Variants in MYO16 observed in about 807,000 individuals in gnomAD.
MYO16 encodes myosin XVI.
MYO16 carries 94 observed loss-of-function variants against 205.3 expected under a neutral mutation model. The ratio of observed to expected loss-of-function variants is 0.46; its 90% CI spans 0.39 to 0.54. MYO16 has a LOEUF of 0.54. Among genes scored for constraint, MYO16 ranks in the 20% least tolerant of loss-of-function variants. The pLI is 0.00. For synonymous variants in MYO16, 988 were observed against 954.0 expected, an observed-to-expected ratio of 1.04 and a Z score of -0.66; for missense variants, 2,315 against 2,387.5, an observed-to-expected ratio of 0.97 and a Z score of 0.63.
chr13:109,143,126 G>C (rs1445009041), intron 32 of MYO16, among the ~76,000 whole-genome samples: 1 of 152,050 alleles, frequency 6.6e-6, no homozygotes, highest in African/African-American at 2.4e-5. Context: ...TTGACCTACA[G>C]TGTAGTAACA....
At chr13:108,510,461 GTTTT>G in the MYO16 span, among the ~76,000 whole-genome samples, 73 of 45,918 alleles carry the variant, frequency 1.6e-3, 3 homozygotes, top group Middle Eastern at 0.023. Flanking sequence ...ATTGATAGCT[GTTTT>G]TTTTTTTTTT....
intron 27 of MYO16, among the ~76,000 whole-genome samples, chr13:109,098,219 C>A (rs371924617): frequency 6.6e-6 from 1 of 152,092 alleles, no homozygotes; most frequent in Non-Finnish European, 1.5e-5. Flanking sequence ...GCGGTTCAGG[C>A]GTGAATATTA....
intron 13 of MYO16, chr13:108,886,464 T>C: frequency 2.2e-6 from 1 of 454,758 alleles, no homozygotes; most frequent in South Asian, 1.6e-5. Flanking sequence ...CACGAGAGAG[T>C]AAGTGGAGTA....
chr13:108,848,173 T>C (rs1877623681), intron 10 of MYO16, among the ~76,000 whole-genome samples: 2 of 152,274 alleles, frequency 1.3e-5, no homozygotes, highest in South Asian at 2.1e-4. Flanking sequence ...ATCATTATTA[T>C]ATAGACTGAC....
intron 16 of MYO16, among the ~76,000 whole-genome samples, chr13:108,947,029 T>A (rs1221003307): frequency 6.6e-6 from 1 of 152,236 alleles, no homozygotes; most frequent in Non-Finnish European, 1.5e-5. Flanking sequence ...CACCATACTT[T>A]ATCAGCATTT....
rs1355801076 is a variant in MYO16, at chr13:108,767,934, C to T, written c.508-17701C>T. 3.9e-5 allele frequency among the ~76,000 whole-genome samples: 6 copies of T among 152,134 alleles called. 1 individual carries two copies. Among genetic ancestry groups the T allele is most frequent in the South Asian group, 2.1e-4 (1 of 4,832 alleles). ...TCATGTAGCAACAATTTGTTAGCTG[C>T]ATACTGTATTGCCAAGTAATGGGCT... On this transcript the variant is annotated intron_variant, in intron 4 of 34. Transcript: ENST00000457511.
intron 1 of MYO16, among the ~76,000 whole-genome samples, chr13:108,633,826 A>C (rs1880096770): frequency 6.6e-6 from 1 of 152,164 alleles, no homozygotes; most frequent in Non-Finnish European, 1.5e-5. Context: ...CTGTTCGCTC[A>C]TTCAAGAACT....
chr13:108,636,134 C>A (rs1880213892), intron 1 of MYO16, among the ~76,000 whole-genome samples: 1 of 151,892 alleles, frequency 6.6e-6, no homozygotes, highest in East Asian at 1.9e-4. Flanking sequence ...ATATTTGCAT[C>A]CATTTCTGGT....
In MYO16 at chr13:109,207,252, A is replaced by G. The variant is rs1004077106; in HGVS notation, c.*416A>G. On this transcript the variant is annotated 3_prime_UTR_variant, in exon 35 of 35. Transcript: ENST00000457511. ...CAATGGTTTTATTATAATACAGTAT[A>G]CGGGACATATATTTTATTTCTTTGT... is the stretch of plus-strand genomic sequence containing the variant. 6 of 156,634 alleles carry G rather than the reference A, an allele frequency of 3.8e-5. No homozygotes were observed. Among genetic ancestry groups the G allele is most frequent in the African/African-American group, 1.4e-4 (6 of 41,578 alleles). 9.7% of individuals were successfully genotyped at this position (156,634 alleles called of 1,614,324 possible).
intron 27 of MYO16, among the ~76,000 whole-genome samples, chr13:109,095,771 G>A (rs1370437839): frequency 6.6e-6 from 1 of 152,164 alleles, no homozygotes; most frequent in Non-Finnish European, 1.5e-5. Context: ...GTATTACTCT[G>A]GCTAAATGTT....
At chr13:108,609,811 A>G (rs1047475247) in intron 1 of MYO16, among the ~76,000 whole-genome samples, 2 of 152,144 alleles carry the variant, frequency 1.3e-5, no homozygotes, top group African/African-American at 4.8e-5. Context: ...AAGACTGTAG[A>G]TAGACATTCT....
At chr13:108,876,833 A>AT (rs1042350476) in intron 12 of MYO16, among the ~76,000 whole-genome samples, 1 of 151,896 alleles carries the variant, frequency 6.6e-6, no homozygotes, top group African/African-American at 2.4e-5. Flanking sequence ...CACCCACCTA[A>AT]TTTTTTATAG....
chr13:108,552,206 G>A, the MYO16 span, among the ~76,000 whole-genome samples: 34 of 152,268 alleles, frequency 2.2e-4, no homozygotes, highest in African/African-American at 7.9e-4. Context: ...TAGCCTCCTG[G>A]ACAGCCATGG....
intron 1 of MYO16, among the ~76,000 whole-genome samples, chr13:108,609,669 A>C (rs779682592): frequency 1.3e-5 from 2 of 152,216 alleles, no homozygotes; most frequent in Non-Finnish European, 2.9e-5. Context: ...CAATTTAAAA[A>C]ATTTTAAAAA....
At chr13:108,573,703 G>A in the MYO16 span, among the ~76,000 whole-genome samples, 1 of 152,216 alleles carries the variant, frequency 6.6e-6, no homozygotes, top group African/African-American at 2.4e-5. Context: ...CTCAGAGATA[G>A]TGTAGCAGCC....
the MYO16 span, among the ~76,000 whole-genome samples, chr13:108,517,525 G>T: frequency 2.6e-5 from 4 of 152,104 alleles, no homozygotes; most frequent in African/African-American, 9.7e-5. Flanking sequence ...AAAAATATGT[G>T]GGTATTAGTT....
At chr13:108,586,853 G>A in the MYO16 span, among the ~76,000 whole-genome samples, 2 of 152,180 alleles carry the variant, frequency 1.3e-5, no homozygotes, top group Admixed American at 6.5e-5. Context: ...TATACCCTGT[G>A]ATTGCATTAT....
intron 12 of MYO16, among the ~76,000 whole-genome samples, chr13:108,879,395 G>A (rs948499335): frequency 6.6e-6 from 1 of 151,908 alleles, no homozygotes; most frequent in South Asian, 2.1e-4. Flanking sequence ...TAAGTTCTAG[G>A]GTACATGTGC....
intron 16 of MYO16, among the ~76,000 whole-genome samples, chr13:108,934,570 T>C (rs1341541610): frequency 2.6e-5 from 4 of 152,116 alleles, no homozygotes; most frequent in Non-Finnish European, 5.9e-5. Context: ...TTGATAGTTT[T>C]TTTCGTTGTT....
Sources: gnomAD v4.1 joint callset for allele counts (sites outside exome capture counted in the v4.1 genomes callset) on GRCh38, gnomAD v4.1.1 for gene constraint, MANE v1.5 for transcripts, NCBI Gene and HGNC (gene_info 2026-07-23, HGNC 2026-07-21) for gene names.